CALCOCO2: variants seen among roughly 807,000 people sequenced by gnomAD.
CALCOCO2 encodes the protein calcium binding and coiled-coil domain 2.
A neutral mutation model predicts 62.5 loss-of-function variants in CALCOCO2; 42 were observed. That is an observed-to-expected ratio of 0.67 (90% CI 0.53 to 0.87). The LOEUF is 0.87. Among genes scored for constraint, CALCOCO2 ranks in the 40% least tolerant of loss-of-function variants. The pLI, the probability that CALCOCO2 is intolerant of heterozygous loss-of-function variation, is 0.00. For synonymous variants in CALCOCO2, 167 were observed against 173.0 expected, an observed-to-expected ratio of 0.97 and a Z score of 0.27; for missense variants, 456 against 515.0, an observed-to-expected ratio of 0.89 and a Z score of 1.11.
chr17:48,860,369 C>T lies in CALCOCO2; in HGVS notation c.1064C>T (p.Ser355Phe). Residue 355 changes from serine (S) to phenylalanine (F), a missense_variant, in exon 11 of 13, where the codon TCT becomes TTT. By Grantham distance (155) the Ser-to-Phe change is radical. Around this residue, in one of 3 missense-constraint regions of CALCOCO2, gnomAD observed 172 missense variants for 210.3 expected, o/e 0.82. Transcript: ENST00000258947. ...AGTTACATGGGTCTGGATTTTAATTCTTTGCCGTATCAAGTACCTACTTCA... is the reference window on the plus strand; with the variant it reads ...AGTTACATGGGTCTGGATTTTAATTTTTTGCCGTATCAAGTACCTACTTCA... ...LLSYMGLDFNSLPYQVPTSDE... is the reference protein window; with the variant it reads ...LLSYMGLDFNFLPYQVPTSDE... 6.2e-7 allele frequency: 1 copy of T among 1,613,372 alleles called. No homozygotes were observed. The highest frequency in any genetic ancestry group is 8.5e-7 in the Non-Finnish European group (1 of 1,179,336).
In CALCOCO2 at chr17:48,849,324, A is replaced by G. The variant is rs1382543358; in HGVS notation, c.490A>G (p.Ile164Val). ...KENQELKDSC[I>V]SLQKQNSDMQ... The stretch of plus-strand genomic sequence containing the variant: ...AAACCAGGAGCTGAAGGACAGCTGT[A>G]TCAGCCTCCAGAAGCAGAACTCAGA... Residue 164 changes from isoleucine to valine, a missense_variant, in exon 5 of 13, where the codon ATC becomes GTC. Coordinates refer to ENST00000258947, the MANE Select transcript of CALCOCO2 (RefSeq NM_005831.5). The G allele has an allele frequency of 6.2e-7, 1 of 1,613,686 alleles. No individual in the cohort carries two copies. Among genetic ancestry groups the G allele is most frequent in the Admixed American group, 1.7e-5 (1 of 60,018 alleles).
At chr17:48,853,389 T>C (rs2040161440) in intron 9 of CALCOCO2, among the ~76,000 whole-genome samples, 1 of 152,166 alleles carries the variant, frequency 6.6e-6, no homozygotes, top group African/African-American at 2.4e-5. Context: ...GCAAATCTTG[T>C]TATAATTAAT....
intron 1 of CALCOCO2, among the ~76,000 whole-genome samples, chr17:48,832,066 G>A (rs1052263845): frequency 3.3e-5 from 5 of 152,288 alleles, no homozygotes; most frequent in South Asian, 2.1e-4. Flanking sequence ...ATTGTCTTTC[G>A]AGTCAGATAG....
intron 1 of CALCOCO2, among the ~76,000 whole-genome samples, chr17:48,841,124 G>C (rs1026880429): frequency 6.6e-6 from 1 of 152,188 alleles, no homozygotes; most frequent in Non-Finnish European, 1.5e-5. Context: ...AAATTTAATA[G>C]GTGGTGAAGC....
chr17:48,854,128 C>T (rs553911364), intron 9 of CALCOCO2, among the ~76,000 whole-genome samples: 2 of 151,144 alleles, frequency 1.3e-5, no homozygotes, highest in East Asian at 4.0e-4. Context: ...CCAGCCTGAC[C>T]AAAATGGAGA....
At chr17:48,858,071 G>GAAT (rs1311782459) in intron 10 of CALCOCO2, among the ~76,000 whole-genome samples, 1 of 144,944 alleles carries the variant, frequency 6.9e-6, no homozygotes, top group East Asian at 2.0e-4. Flanking sequence ...GAATAGAATA[G>GAAT]AATTTTACCA....
intron 2 of CALCOCO2, chr17:48,846,519 C>T: frequency 7.2e-7 from 1 of 1,395,134 alleles, no homozygotes; most frequent in Non-Finnish European, 9.8e-7. Context: ...TTGCAGGTGG[C>T]TAGAAGTTGT....
rs2040094113 is a variant in CALCOCO2 at position 48,849,271 on chromosome 17, A to G, written c.437A>G (p.Glu146Gly). The change falls in exon 5 of 13, where the codon GAG becomes GGG. Residue 146 changes from glutamate (E) to glycine (G), a missense_variant. Glu to Gly is a moderately conservative substitution (Grantham distance 98, BLOSUM62 -2). Around this residue, in one of 3 missense-constraint regions of CALCOCO2, gnomAD observed 236 missense variants for 225.3 expected, o/e 1.05. Coordinates refer to ENST00000258947, the MANE Select transcript of CALCOCO2 (RefSeq NM_005831.5). Reference sequence around the variant, plus strand: ...TTGTAGGGAGAGGTGGAAGAGATTGAGCAGCACAACAAGGAGCTTTGCAAA... The same window carrying G: ...TTGTAGGGAGAGGTGGAAGAGATTGGGCAGCACAACAAGGAGCTTTGCAAA... ...VTTQGEVEEI[E>G]QHNKELCKEN... 6 of 1,613,782 alleles carry G rather than the reference A, an allele frequency of 3.7e-6. No homozygotes were observed. The highest frequency in any genetic ancestry group is 5.1e-6 in the Non-Finnish European group (6 of 1,179,736).
At position 48,832,327 on chromosome 17, in the gene CALCOCO2, G is replaced by A. The variant is rs140694873; in HGVS notation, c.-11+1249G>A. 3.9e-4 allele frequency among the ~76,000 whole-genome samples: 60 copies of A among 152,338 alleles called. 3 individuals are homozygous for A. The East Asian group carries it at 0.011, about 28-fold the overall frequency. ...GAGAATCGCTTGGACCCAGACAGCG[G>A]AGGGTGCGGTGAGCCGAGATGGCGC... On this transcript the variant is annotated intron_variant, in intron 1 of 12. Transcript: ENST00000258947.
chr17:48,848,841 T>C, intron 4 of CALCOCO2: 1 of 481,300 alleles, frequency 2.1e-6, no homozygotes, highest in South Asian at 1.5e-5. Flanking sequence ...AGTATTAGAT[T>C]CATTTTCTTA....
At chr17:48,854,396 A>ATATATATAT (rs1567757320) in intron 9 of CALCOCO2, among the ~76,000 whole-genome samples, 1 of 1,910 alleles carries the variant, frequency 5.2e-4, no homozygotes, top group African/African-American at 8.3e-4. Flanking sequence ...ATATATATAT[A>ATATATATAT]TTTTTTTTTT....
At chr17:48,851,961 G>A (rs2040138046) in intron 7 of CALCOCO2, among the ~76,000 whole-genome samples, 2 of 151,926 alleles carry the variant, frequency 1.3e-5, no homozygotes, top group African/African-American at 2.4e-5. Flanking sequence ...GCAAAACCCC[G>A]TCTCTACTAA....
In CALCOCO2 at chr17:48,861,653, G is replaced by A. The variant is rs5024857; in HGVS notation, c.1145-623G>A. Among the ~76,000 whole-genome samples the A allele has an allele frequency of 0.017, 116 of 6,702 alleles. 1 individual carries two copies. The East Asian group carries it at 0.23, about 13-fold the overall frequency. The allele number at this position is 6,702 out of a possible 152,430, so 4.4% of individuals were successfully genotyped here. A position where few individuals can be genotyped will look rare whatever the true frequency, so the allele number is the denominator to read the frequency against. On this transcript the variant is annotated intron_variant, in intron 11 of 12. Coordinates refer to ENST00000258947, the MANE Select transcript of CALCOCO2 (RefSeq NM_005831.5). ...TATATATATATGTATATATATATAT[G>A]TGTGTGTGTATATATATATATATAA...
chr17:48,855,168 C>G (rs1452821412), intron 9 of CALCOCO2, among the ~76,000 whole-genome samples: 1 of 152,158 alleles, frequency 6.6e-6, no homozygotes, highest in Non-Finnish European at 1.5e-5. Context: ...CCTGGAAATA[C>G]TGGCCCCAAC....
intron 5 of CALCOCO2, among the ~76,000 whole-genome samples, chr17:48,850,807 C>T (rs2040117696): frequency 6.6e-6 from 1 of 151,334 alleles, no homozygotes; most frequent in East Asian, 2.0e-4. Context: ...AATCCCAGCA[C>T]TTTGGGAGGC....
chr17:48,848,403 C>T lies in CALCOCO2; in HGVS notation c.365C>T (p.Pro122Leu), dbSNP rs1399220428. ...EDGVVRGASIPFQFRPENEED... is the reference protein window; with the variant it reads ...EDGVVRGASILFQFRPENEED... ...GGTGTGGTCCGGGGAGCAAGTATTC[C>T]TTTCCAATTCCGTCCAGAAAATGAG... Residue 122 changes from proline (P) to leucine (L), a missense_variant, in exon 4 of 13, where the codon CCT (proline) becomes CTT (leucine). Physicochemically the swap from Pro to Leu is moderately conservative, Grantham distance 98. Around this residue, in one of 3 missense-constraint regions of CALCOCO2, gnomAD observed 236 missense variants for 225.3 expected, o/e 1.05. Coordinates refer to ENST00000258947, the MANE Select transcript of CALCOCO2 (RefSeq NM_005831.5). 6.2e-7 allele frequency: 1 copy of T among 1,613,846 alleles called. No individual in the cohort carries two copies. The highest frequency in any genetic ancestry group is 1.1e-5 in the South Asian group (1 of 91,084).
chr17:48,855,988 A>T, intron 9 of CALCOCO2, 104 bp from the exon 10 acceptor site: 1 of 515,950 alleles, frequency 1.9e-6, no homozygotes, highest in Non-Finnish European at 3.5e-6. Context: ...GTTCTCCTCC[A>T]TCTCAGTCTC....
chr17:48,858,020 A>C (rs1323308295), intron 10 of CALCOCO2, among the ~76,000 whole-genome samples: 8 of 15,708 alleles, frequency 5.1e-4, no homozygotes, highest in South Asian at 6.4e-3. Flanking sequence ...AATAGAATAG[A>C]ATAGAATAGA....
chr17:48,856,031 C>T, intron 9 of CALCOCO2, 61 bp from the exon 10 acceptor site: 1 of 787,406 alleles, frequency 1.3e-6, no homozygotes, highest in Non-Finnish European at 2.1e-6. Flanking sequence ...TCTACAATTT[C>T]TCACCTTGTA....
Sources: allele counts gnomAD v4.1 joint callset (sites outside exome capture counted in the v4.1 genomes callset), GRCh38; gene constraint gnomAD v4.1.1; regional missense constraint gnomAD v4.1.1; transcripts MANE v1.5; gene names NCBI Gene and HGNC (gene_info 2026-07-23, HGNC 2026-07-21).